Variants in POLA2 observed in about 807,000 individuals in gnomAD.
POLA2 encodes the protein DNA polymerase alpha 2, accessory subunit.
Under a neutral mutation model 82.8 loss-of-function variants are expected in POLA2, and 47 were observed. That is an observed-to-expected ratio of 0.57 (90% CI 0.45 to 0.72). The LOEUF is 0.72. POLA2 is among the 30% of genes least tolerant of loss of function. The pLI is 0.00. For synonymous variants in POLA2, 287 were observed against 286.8 expected (o/e 1.00, Z -0.01); for missense variants, 634 against 728.1 (o/e 0.87, Z 1.49).
chr11:65,295,820 C>T (rs1444168899), intron 16 of POLA2, 44 bp from the exon 17 acceptor site: 3 of 1,585,594 alleles, frequency 1.9e-6, no homozygotes, highest in East Asian at 2.3e-5. Context: ...GAGAAGGGGG[C>T]CCCCCGGTCA....
chr11:65,264,457 G>A (rs1359582152), intron 1 of POLA2, among the ~76,000 whole-genome samples: 2 of 152,102 alleles, frequency 1.3e-5, no homozygotes, highest in African/African-American at 4.8e-5. Flanking sequence ...CGCCCACCCT[G>A]GCCTCCCAAA....
Position 65,268,748 on chromosome 11 carries a change from G to C in POLA2, c.354+19G>C. 6.7e-7 allele frequency: 1 copy of C among 1,486,228 alleles called. No individual in the cohort carries two copies. The highest frequency in any genetic ancestry group is 1.3e-5 in the South Asian group (1 of 79,248). The allele number at this position is 1,486,228 out of a possible 1,614,324, so 92.1% of individuals were successfully genotyped here. ...TTCAAAGGTAAGTAAACAGTGTTTG[G>C]ACATTGCATTTTACAAGTAACATTT... On this transcript the variant is annotated intron_variant, in intron 4 of 17. Transcript: ENST00000265465.
At chr11:65,279,026 C>A in intron 6 of POLA2, 103 bp downstream of exon 6, 1 of 1,006,328 alleles carries the variant, frequency 9.9e-7, no homozygotes, top group Non-Finnish European at 1.4e-6. Context: ...TCCAAGGTTG[C>A]CTTTCAATGT....
At chr11:65,265,326 C>G (rs1277772740) in intron 1 of POLA2, among the ~76,000 whole-genome samples, 1 of 152,094 alleles carries the variant, frequency 6.6e-6, no homozygotes, top group Non-Finnish European at 1.5e-5. Flanking sequence ...CAAAGCTGCT[C>G]TACTCAAGGT....
Position 65,279,783 on chromosome 11 carries a change from G to A in POLA2, c.744+157G>A, listed in dbSNP as rs73484963. On this transcript the variant is annotated intron_variant, in intron 7 of 17. Transcript: ENST00000265465. The stretch of plus-strand genomic sequence containing the variant: ...GGGAAAATGGGCCCTTCTGAAGAAA[G>A]ATTTGTAAGTGCTGTCTGGTTTTGT... The A allele has an allele frequency of 2.5e-3, 1,394 of 568,266 alleles. 16 individuals carry two copies. The African/African-American group carries it at 0.025, about 10-fold the overall frequency. The allele number at this position is 568,266 out of a possible 1,614,324, so 35.2% of individuals were successfully genotyped here.
chr11:65,264,104 A>G (rs1949432039), intron 1 of POLA2, among the ~76,000 whole-genome samples: 1 of 151,986 alleles, frequency 6.6e-6, no homozygotes, highest in East Asian at 1.9e-4. Context: ...GGAGTTTCTC[A>G]TTGCCCAGGC....
Position 65,297,527 on chromosome 11 carries a change from C to T in POLA2, c.*258C>T, listed in dbSNP as rs979473503. On this transcript the variant is annotated 3_prime_UTR_variant, in exon 18 of 18. Transcript: ENST00000265465. ...CCAGAAGTAAGCCAGCTGTGGATCC[C>T]GCCCACTCAGAAAAGGCGAGAAGGC... is the stretch of plus-strand genomic sequence containing the variant. 2.0e-5 allele frequency: 7 copies of T among 352,776 alleles called. No homozygotes were observed. Among genetic ancestry groups the T allele is most frequent in the African/African-American group, 6.3e-5 (3 of 47,398 alleles). 21.9% of individuals were successfully genotyped at this position (352,776 alleles called of 1,614,324 possible).
At chr11:65,278,965 A>G in intron 6 of POLA2, 42 bp downstream of exon 6, 2 of 1,567,544 alleles carry the variant, frequency 1.3e-6, no homozygotes, top group Non-Finnish European at 1.7e-6. Flanking sequence ...ATATAAAACC[A>G]CCTAGAAGGG....
At chr11:65,290,231 A>G (rs1246060474) in intron 13 of POLA2, among the ~76,000 whole-genome samples, 3 of 144,186 alleles carry the variant, frequency 2.1e-5, no homozygotes, top group Non-Finnish European at 3.0e-5. Flanking sequence ...CTAGGCAAAA[A>G]GAGCGCAACT....
downstream of POLA2, chr11:65,298,809 C>G (rs1046495849): frequency 6.6e-6 from 1 of 152,226 alleles, no homozygotes; most frequent in Non-Finnish European, 1.5e-5. Context: ...CATGAAGCAG[C>G]CAGCTGTGTT....
Position 65,268,491 on chromosome 11 carries a change from A to C in POLA2, c.297-181A>C, listed in dbSNP as rs188655031. On this transcript the variant is annotated intron_variant, in intron 3 of 17. Transcript: ENST00000265465. ...CTCAGCCTCCCGAGTAGCTGGGACT[A>C]CAGGCGCCCGGCTAATTTTTTGTAT... 5.6e-3 allele frequency among the ~76,000 whole-genome samples: 854 copies of C among 151,550 alleles called. 8 individuals carry two copies. Among genetic ancestry groups the C allele is most frequent in the Middle Eastern group, 0.014 (4 of 294 alleles).
intron 12 of POLA2, among the ~76,000 whole-genome samples, chr11:65,289,357 A>C (rs1167812850): frequency 6.6e-6 from 1 of 152,234 alleles, no homozygotes; most frequent in Non-Finnish European, 1.5e-5. Context: ...AAGGCACAAG[A>C]GCACTAGCAC....
intron 7 of POLA2, 65 bp from the exon 8 acceptor site, chr11:65,280,927 G>A (rs1172519770): frequency 4.6e-6 from 7 of 1,527,558 alleles, no homozygotes; most frequent in African/African-American, 2.7e-5. Context: ...TCACCCTATC[G>A]ACTTCAGATT....
rs1034118253 is a variant in POLA2 at position 65,298,612 on chromosome 11, C to T, written c.*1343C>T. On this transcript the variant is annotated 3_prime_UTR_variant, in exon 18 of 18. Transcript: ENST00000265465. The stretch of plus-strand genomic sequence containing the variant: ...AACAGTGGCCAACTTTTGCCTCTCA[C>T]CTTTCTGACGGTGAAATGGAATCGA... 3.3e-5 allele frequency: 5 copies of T among 152,274 alleles called. No homozygotes were observed. Among genetic ancestry groups the T allele is most frequent in the Non-Finnish European group, 2.9e-5 (2 of 68,078 alleles). The allele number at this position is 152,274 out of a possible 1,614,324, so 9.4% of individuals were successfully genotyped here.
At position 65,297,082 on chromosome 11, in the gene POLA2, A is replaced by G. The variant is rs1384317765; in HGVS notation, c.1648-38A>G. 2.5e-6 allele frequency: 4 copies of G among 1,609,940 alleles called. No individual in the cohort carries two copies. In the Admixed American group the frequency reaches 6.7e-5, roughly 27 times the overall value. Reference sequence around the variant, plus strand: ...TTTCACATTGGTTCCCAGTTAGTTGAGGCTCTCCAAACCTGTCACCTCTCC... The same window carrying G: ...TTTCACATTGGTTCCCAGTTAGTTGGGGCTCTCCAAACCTGTCACCTCTCC... On this transcript the variant is annotated intron_variant, in intron 17 of 17. Coordinates refer to ENST00000265465, the MANE Select transcript of POLA2 (RefSeq NM_002689.4).
In POLA2 at chr11:65,297,256, T is replaced by C; in HGVS notation, c.1784T>C (p.Val595Ala). Residue 595 changes from valine to alanine, a missense_variant, in exon 18 of 18, where the codon GTC (valine) becomes GCC (alanine). Physicochemically the swap from Val to Ala is moderately conservative, Grantham distance 64. Transcript: ENST00000265465. ...ERQSPCIAVQVVRI is the reference protein window; with the variant it reads ...ERQSPCIAVQAVRI ...CAGAGCCCATGCATTGCTGTGCAGG[T>C]CGTCAGGATCTGAGGCTTCTGTCCT... 1.2e-6 allele frequency: 2 copies of C among 1,608,250 alleles called. No homozygotes were observed. Among genetic ancestry groups the C allele is most frequent in the Non-Finnish European group, 1.7e-6 (2 of 1,177,146 alleles).
rs1949607566 is a variant in POLA2 at position 65,278,753 on chromosome 11, A to G, written c.485A>G (p.Asn162Ser). 1 of 1,613,476 alleles carries G rather than the reference A, an allele frequency of 6.2e-7. No homozygotes were observed. The highest frequency in any genetic ancestry group is 1.1e-5 in the South Asian group (1 of 91,042). ...SPSATPSQKY[N>S]SRSNRGEVVT... is the part of the protein sequence containing the mutation. ...AGTGCTACTCCCTCCCAGAAATACA[A>G]CTCACGAAGTAACCGAGGAGAAGTG... The change falls in exon 6 of 18, where the codon AAC becomes AGC. Residue 162 changes from asparagine (N) to serine (S), a missense_variant. Asn to Ser is a conservative substitution (Grantham distance 46). Coordinates refer to ENST00000265465, the MANE Select transcript of POLA2 (RefSeq NM_002689.4).
chr11:65,275,837 T>C, intron 4 of POLA2, 55 bp from the exon 5 acceptor site: 1 of 967,790 alleles, frequency 1.0e-6, no homozygotes, highest in African/African-American at 1.6e-5. Context: ...ACTATACACT[T>C]AATTAGTATT....
chr11:65,277,421 G>A (rs892162156), intron 5 of POLA2, among the ~76,000 whole-genome samples: 1 of 152,068 alleles, frequency 6.6e-6, no homozygotes. Flanking sequence ...CAAGCAATCT[G>A]CCTGCCTTAG....
Sources: allele counts gnomAD v4.1 joint callset (sites outside exome capture counted in the v4.1 genomes callset), GRCh38; gene constraint gnomAD v4.1.1; transcripts MANE v1.5; gene names NCBI Gene and HGNC (gene_info 2026-07-23, HGNC 2026-07-21).